ADAM2: variants seen among roughly 807,000 people sequenced by gnomAD.
ADAM2 encodes the protein disintegrin and metalloproteinase domain-containing protein 2.
Under a neutral mutation model 99.3 loss-of-function variants are expected in ADAM2, and 101 were observed. The ratio of observed to expected loss-of-function variants is 1.02; its 90% CI spans 0.87 to 1.20. ADAM2 has a LOEUF of 1.20. Among genes scored for constraint, ADAM2 ranks in the 50% most tolerant of loss-of-function variants. The pLI is 0.00. For synonymous variants in ADAM2, 323 were observed against 287.6 expected, an observed-to-expected ratio of 1.12 and a Z score of -1.25; for missense variants, 948 against 878.7, an observed-to-expected ratio of 1.08 and a Z score of -1.00.
chr8:39,788,796 T>C, intron 7 of ADAM2, 56 bp from the exon 8 acceptor site: 1 of 915,476 alleles, frequency 1.1e-6, no homozygotes. Flanking sequence ...CATTTAATGA[T>C]TGTTATTGTT....
intron 10 of ADAM2, among the ~76,000 whole-genome samples, chr8:39,786,015 AT>A (rs755738385): frequency 3.5e-4 from 53 of 152,210 alleles, no homozygotes; most frequent in Admixed American, 3.3e-4. Flanking sequence ...AGCAACATGG[AT>A]GCAGCTAGAG....
intron 18 of ADAM2, among the ~76,000 whole-genome samples, 169 bp from the exon 19 acceptor site, chr8:39,746,800 G>T (rs1371032532): frequency 6.6e-6 from 1 of 152,148 alleles, no homozygotes; most frequent in African/African-American, 2.4e-5. Flanking sequence ...TGCCCAAAGT[G>T]ACTCTTGTAA....
chr8:39,796,051 TTC>T (rs1382969990), intron 7 of ADAM2, among the ~76,000 whole-genome samples: 1 of 151,874 alleles, frequency 6.6e-6, no homozygotes, highest in Non-Finnish European at 1.5e-5. Context: ...CATTATTAGA[TTC>T]TCTTTTTTTT....
chr8:39,775,626 C>G (rs573554922), intron 11 of ADAM2, among the ~76,000 whole-genome samples: 101 of 152,196 alleles, frequency 6.6e-4, no homozygotes, highest in South Asian at 2.5e-3. Flanking sequence ...TAAAATTGGA[C>G]TGAGGTTTGT....
rs1160454909 is a variant in ADAM2 at position 39,776,562 on chromosome 8, A to G, written c.1028+463T>C. ...GATATCAGCAAAAAAAATTCACTAG[A>G]TCGTTGAGGCCTGATTAGAATACTG... On this transcript the variant is annotated intron_variant, in intron 11 of 20. Coordinates refer to ENST00000265708, the MANE Select transcript of ADAM2 (RefSeq NM_001464.5). Among the ~76,000 whole-genome samples, 2 of 152,092 alleles carry G rather than the reference A, an allele frequency of 1.3e-5. 1 individual carries two copies. Among genetic ancestry groups the G allele is most frequent in the East Asian group, 3.9e-4 (2 of 5,178 alleles).
In ADAM2 at chr8:39,766,946, T is replaced by A. The variant is rs757329571; in HGVS notation, c.1409A>T (p.Tyr470Phe). ...GSSASCPENH[Y>F]VQTGHPCGLN... is the part of the protein sequence containing the mutation. The stretch of plus-strand genomic sequence containing the variant: ...TCCACACGGATGCCCAGTCTGAACA[T>A]AGTGGTTTTCTGGGCATGATGCAGA... The change falls in exon 14 of 21, where the codon TAT becomes TTT. Residue 470 changes from tyrosine to phenylalanine, a missense_variant. Coordinates refer to ENST00000265708, the MANE Select transcript of ADAM2 (RefSeq NM_001464.5). The A allele has an allele frequency of 1.2e-6, 2 of 1,614,046 alleles. No individual in the cohort carries two copies. The highest frequency in any genetic ancestry group is 2.7e-5 in the African/African-American group (2 of 74,928).
intron 7 of ADAM2, among the ~76,000 whole-genome samples, chr8:39,793,054 A>G (rs1051211026): frequency 5.9e-5 from 9 of 152,102 alleles, no homozygotes; most frequent in Non-Finnish European, 1.3e-4. Flanking sequence ...TCCCTGCACC[A>G]GGACTAAAAT....
At chr8:39,828,600 C>A (rs1296577234) in intron 3 of ADAM2, among the ~76,000 whole-genome samples, 2 of 151,512 alleles carry the variant, frequency 1.3e-5, no homozygotes, top group African/African-American at 4.8e-5. Context: ...GTAAGCACAC[C>A]TTAAAACTAA....
chr8:39,764,715 C>T (rs1249540347), intron 14 of ADAM2, among the ~76,000 whole-genome samples: 1 of 152,074 alleles, frequency 6.6e-6, no homozygotes, highest in Non-Finnish European at 1.5e-5. Context: ...GTAACTGGAT[C>T]TAAAATGCTG....
intron 7 of ADAM2, among the ~76,000 whole-genome samples, chr8:39,804,350 A>G (rs904389421): frequency 6.6e-6 from 1 of 152,194 alleles, no homozygotes; most frequent in Non-Finnish European, 1.5e-5. Context: ...GTAATCATGA[A>G]ACCATAGGAT....
At chr8:39,793,894 C>T (rs938709161) in intron 7 of ADAM2, among the ~76,000 whole-genome samples, 6 of 151,956 alleles carry the variant, frequency 3.9e-5, no homozygotes, top group Non-Finnish European at 7.4e-5. Flanking sequence ...GAAATAGCCT[C>T]GTCAGAGAAA....
At chr8:39,751,103 G>T (rs770399023) in intron 16 of ADAM2, among the ~76,000 whole-genome samples, 1 of 152,036 alleles carries the variant, frequency 6.6e-6, no homozygotes, top group Non-Finnish European at 1.5e-5. Flanking sequence ...TAATTGTGTT[G>T]GCTAATTACG....
chr8:39,769,950 C>CTTTTT (rs60250805), intron 11 of ADAM2, among the ~76,000 whole-genome samples: 2 of 134,854 alleles, frequency 1.5e-5, no homozygotes, highest in Admixed American at 7.7e-5. Context: ...TTTCTTTTTT[C>CTTTTT]TTTTTTTTTT....
chr8:39,770,222 C>T (rs1287623144), intron 11 of ADAM2, among the ~76,000 whole-genome samples: 10 of 152,170 alleles, frequency 6.6e-5, no homozygotes, highest in Non-Finnish European at 1.2e-4. Context: ...GTTGGGATTA[C>T]AGGCGTGAGC....
At chr8:39,744,462 G>T (rs1169985323) in intron 20 of ADAM2, among the ~76,000 whole-genome samples, 1 of 151,170 alleles carries the variant, frequency 6.6e-6, no homozygotes, top group Non-Finnish European at 1.5e-5. Flanking sequence ...AAAATATTTG[G>T]AACTCACTCA....
intron 1 of ADAM2, among the ~76,000 whole-genome samples, chr8:39,837,601 G>T (rs1167956307): frequency 1.3e-5 from 2 of 152,022 alleles, no homozygotes; most frequent in Non-Finnish European, 2.9e-5. Context: ...TGGCCGGGAT[G>T]GTCTCGATCT....
chr8:39,812,949 C>T (rs1262186147), intron 6 of ADAM2, among the ~76,000 whole-genome samples: 1 of 152,122 alleles, frequency 6.6e-6, no homozygotes, highest in Non-Finnish European at 1.5e-5. Flanking sequence ...CGCTTTTGCA[C>T]AGCAAAAGAG....
chr8:39,807,505 C>T (rs1312201814), intron 7 of ADAM2, among the ~76,000 whole-genome samples: 2 of 152,086 alleles, frequency 1.3e-5, no homozygotes, highest in African/African-American at 4.8e-5. Context: ...TTTTGGAGCC[C>T]TGAGCCCCAT....
chr8:39,813,556 G>T (rs1804789961), intron 6 of ADAM2, among the ~76,000 whole-genome samples: 1 of 152,202 alleles, frequency 6.6e-6, no homozygotes, highest in Non-Finnish European at 1.5e-5. Flanking sequence ...TAAAGAAAAT[G>T]TGGCACATAC....
Sources: gnomAD v4.1 joint callset for allele counts (sites outside exome capture counted in the v4.1 genomes callset) on GRCh38, gnomAD v4.1.1 for gene constraint, MANE v1.5 for transcripts, NCBI Gene and HGNC (gene_info 2026-07-23, HGNC 2026-07-21) for gene names.